CDH12: variants seen among roughly 807,000 people sequenced by gnomAD.
CDH12 encodes the protein cadherin-12.
A neutral mutation model predicts 74.1 loss-of-function variants in CDH12; 41 were observed. That is an observed-to-expected ratio of 0.55 (90% CI 0.43 to 0.72). CDH12 has a LOEUF of 0.72. Among genes scored for constraint, CDH12 ranks in the 30% least tolerant of loss-of-function variants. The pLI, the probability that CDH12 is intolerant of heterozygous loss-of-function variation, is 0.00. For missense variants in CDH12, 945 were observed against 977.2 expected (o/e 0.97, Z 0.44); for synonymous variants, 399 against 355.0 (o/e 1.12, Z -1.39).
chr5:21,881,837 GA>G (rs1165444085), intron 6 of CDH12, among the ~76,000 whole-genome samples: 1 of 152,028 alleles, frequency 6.6e-6, no homozygotes, highest in Non-Finnish European at 1.5e-5. Flanking sequence ...AATATGTTTT[GA>G]ATCATGGATC....
At chr5:22,788,673 TATG>T (rs1747764569) in intron 1 of CDH12, among the ~76,000 whole-genome samples, 1 of 148,410 alleles carries the variant, frequency 6.7e-6, no homozygotes, top group Non-Finnish European at 1.5e-5. Context: ...TAATATAAAA[TATG>T]ATATAACATT....
chr5:21,833,138 A>ATATATTATATAACATATAATATATAT (rs1749216285), intron 8 of CDH12, among the ~76,000 whole-genome samples: 5 of 49,438 alleles, frequency 1.0e-4, no homozygotes, highest in South Asian at 6.3e-4. Flanking sequence ...TATTATAAAT[A>ATATATTATATAACATATAATATATAT]TATATTATAT....
At chr5:22,563,114 G>T (rs965171578) in intron 1 of CDH12, among the ~76,000 whole-genome samples, 1 of 148,414 alleles carries the variant, frequency 6.7e-6, no homozygotes, top group Non-Finnish European at 1.5e-5. Context: ...TCAAATAATA[G>T]GAGGAAAACC....
chr5:22,405,898 T>C (rs1204875389), intron 2 of CDH12, among the ~76,000 whole-genome samples: 1 of 152,178 alleles, frequency 6.6e-6, no homozygotes, highest in Non-Finnish European at 1.5e-5. Flanking sequence ...CATCTTCCCA[T>C]ATACTTTAAA....
intron 7 of CDH12, among the ~76,000 whole-genome samples, chr5:21,851,511 T>C (rs1035624604): frequency 6.6e-6 from 1 of 150,818 alleles, no homozygotes. Flanking sequence ...TTTTAATGTT[T>C]TATAAATGTT....
chr5:22,119,399 C>T (rs1242306504), intron 4 of CDH12, among the ~76,000 whole-genome samples: 2 of 148,782 alleles, frequency 1.3e-5, no homozygotes, highest in Non-Finnish European at 3.0e-5. Flanking sequence ...AAGCAATTTT[C>T]CTGCTTCAGC....
At chr5:22,138,589 A>G (rs1407703024) in intron 4 of CDH12, among the ~76,000 whole-genome samples, 3 of 150,730 alleles carry the variant, frequency 2.0e-5, no homozygotes, top group Admixed American at 6.6e-5. Context: ...CTTGAATTTG[A>G]TGGAAGCATT....
intron 1 of CDH12, among the ~76,000 whole-genome samples, chr5:22,725,194 CTG>C (rs1414317901): frequency 6.6e-6 from 1 of 151,806 alleles, no homozygotes; most frequent in Non-Finnish European, 1.5e-5. Context: ...TCTTGTCTAC[CTG>C]TTCTCTTTAA....
chr5:22,274,258 G>A (rs1347874572), intron 3 of CDH12, among the ~76,000 whole-genome samples: 1 of 152,008 alleles, frequency 6.6e-6, no homozygotes, highest in Non-Finnish European at 1.5e-5. Flanking sequence ...GCCAAGAATC[G>A]AGGAAAATTC....
intron 7 of CDH12, among the ~76,000 whole-genome samples, chr5:21,848,597 A>G (rs2149994347): frequency 6.6e-6 from 1 of 152,098 alleles, no homozygotes; most frequent in Non-Finnish European, 1.5e-5. Flanking sequence ...TTCAAATGTT[A>G]TGTTCATCAT....
chr5:22,590,887 C>G (rs527518248), intron 1 of CDH12, among the ~76,000 whole-genome samples: 25 of 152,248 alleles, frequency 1.6e-4, no homozygotes, highest in Middle Eastern at 3.4e-3. Flanking sequence ...TTTCTCTTGA[C>G]ACTAAAGCTA....
At chr5:22,057,429 G>A (rs1441831957) in intron 5 of CDH12, among the ~76,000 whole-genome samples, 1 of 152,096 alleles carries the variant, frequency 6.6e-6, no homozygotes, top group Non-Finnish European at 1.5e-5. Flanking sequence ...CAAATTAAAG[G>A]ATGCTCAGCA....
At chr5:22,841,363 A>C (rs1737072247) in intron 1 of CDH12, among the ~76,000 whole-genome samples, 2 of 152,176 alleles carry the variant, frequency 1.3e-5, no homozygotes, top group South Asian at 4.1e-4. Context: ...GTTGATGTTG[A>C]CCGACATCGT....
chr5:22,566,713 T>A (rs1031304603), intron 1 of CDH12, among the ~76,000 whole-genome samples: 3 of 152,206 alleles, frequency 2.0e-5, no homozygotes, highest in Non-Finnish European at 2.9e-5. Flanking sequence ...TAGTACATTA[T>A]GAGGTACTTA....
chr5:21,829,833 T>C (rs183501969), intron 8 of CDH12, among the ~76,000 whole-genome samples: 1 of 152,278 alleles, frequency 6.6e-6, no homozygotes, highest in Admixed American at 6.5e-5. Context: ...TAAAGTTATG[T>C]GTTTTTTAAT....
At chr5:22,839,987 A>G (rs1737010424) in intron 1 of CDH12, among the ~76,000 whole-genome samples, 2 of 152,322 alleles carry the variant, frequency 1.3e-5, no homozygotes, top group Admixed American at 6.5e-5. Context: ...AAAATTAGTC[A>G]CACACAAACC....
intron 5 of CDH12, among the ~76,000 whole-genome samples, chr5:21,975,720 T>G (rs906012912): frequency 5.5e-4 from 83 of 152,206 alleles, no homozygotes; most frequent in Non-Finnish European, 9.9e-4. Context: ...CCATTTTTTT[T>G]TGAGGTGTTA....
At chr5:22,011,100 A>G (rs984045814) in intron 5 of CDH12, among the ~76,000 whole-genome samples, 1 of 152,148 alleles carries the variant, frequency 6.6e-6, no homozygotes, top group African/African-American at 2.4e-5. Context: ...GGAAATAACC[A>G]TAAACATACT....
intron 1 of CDH12, among the ~76,000 whole-genome samples, chr5:22,613,019 C>T (rs571175462): frequency 4.7e-4 from 72 of 152,080 alleles, no homozygotes; most frequent in Admixed American, 1.1e-3. Flanking sequence ...GGAAATTCTG[C>T]CGTATCATTC....
Sources: allele counts gnomAD v4.1 joint callset (sites outside exome capture counted in the v4.1 genomes callset), GRCh38; gene constraint gnomAD v4.1.1; transcripts MANE v1.5; gene names NCBI Gene and HGNC (gene_info 2026-07-23, HGNC 2026-07-21).